Variants in TAFA2 observed in about 807,000 individuals in gnomAD.
The protein encoded by TAFA2 is TAFA chemokine like family member 2.
In TAFA2, 7 loss-of-function variants were observed where a neutral mutation model predicts 18.8. The ratio of observed to expected loss-of-function variants is 0.37; its 90% CI spans 0.21 to 0.70. The LOEUF (loss-of-function observed/expected upper bound fraction) is 0.70. TAFA2 is among the 30% of genes least tolerant of loss of function. The probability of loss-of-function intolerance (pLI) is 0.53; values close to 1 mark genes in which losing one functional copy is unlikely to be tolerated. For synonymous variants in TAFA2, 60 were observed against 54.2 expected (o/e 1.11, Z -0.47); for missense variants, 122 against 158.1 (o/e 0.77, Z 1.23).
intron 2 of TAFA2, among the ~76,000 whole-genome samples, chr12:61,828,469 A>C (rs963597856): frequency 4.0e-5 from 6 of 151,886 alleles, no homozygotes; most frequent in Non-Finnish European, 7.4e-5. Flanking sequence ...GGCCACATTA[A>C]ATACTCATTA....
rs79521467 is a variant in TAFA2 at position 62,008,406 on chromosome 12, A to G, written c.-1-140980T>C. Among the ~76,000 whole-genome samples, 173 of 152,294 alleles carry G rather than the reference A, an allele frequency of 1.1e-3. 4 individuals carry two copies. In the East Asian group the frequency reaches 0.032, roughly 28 times the overall value. On this transcript the variant is annotated intron_variant, in intron 1 of 4. Transcript: ENST00000416284. ...CTTTTTAAAATTAACATTATAATAG[A>G]ATAATGTTTTTCAAGAACTGAAAAG...
chr12:62,232,273 C>CA (rs904826504), intron 1 of TAFA2, among the ~76,000 whole-genome samples: 1 of 152,162 alleles, frequency 6.6e-6, no homozygotes, highest in African/African-American at 2.4e-5. Flanking sequence ...ACACCCTGGC[C>CA]AAAGCCACCT....
chr12:61,907,497 G>T (rs1361405111), intron 1 of TAFA2, among the ~76,000 whole-genome samples: 1 of 152,200 alleles, frequency 6.6e-6, no homozygotes, highest in Non-Finnish European at 1.5e-5. Flanking sequence ...TTCAGAAGAT[G>T]TATGGAAATG....
At chr12:62,177,150 C>G (rs530883154) in intron 1 of TAFA2, among the ~76,000 whole-genome samples, 2 of 152,364 alleles carry the variant, frequency 1.3e-5, no homozygotes, top group African/African-American at 4.8e-5. Context: ...AAACCTTCAT[C>G]CCTTCAGAGT....
Position 62,199,545 on chromosome 12 carries a change from CT to C in TAFA2, c.-130+59217del, listed in dbSNP as rs1345573228. 2.0e-5 allele frequency among the ~76,000 whole-genome samples: 3 copies of C among 151,624 alleles called. No homozygotes were observed. The South Asian group carries it at 6.3e-4, about 32-fold the overall frequency. Reference sequence around the variant, plus strand: ...CCCTGCAAAGGACATGATCTCATTCCTTTTTACAGCTACATAGCATTCCATG... The same window carrying C: ...CCCTGCAAAGGACATGATCTCATTCCTTTTACAGCTACATAGCATTCCATG... On this transcript the variant is annotated intron_variant, in intron 1 of 5. Transcript: ENST00000551619.
intron 1 of TAFA2, among the ~76,000 whole-genome samples, chr12:62,216,647 A>T (rs1368550840): frequency 1.3e-5 from 2 of 152,228 alleles, no homozygotes; most frequent in African/African-American, 4.8e-5. Flanking sequence ...TACACAGTAT[A>T]CTATTGTTGA....
chr12:61,778,210 C>T (rs548961786), intron 2 of TAFA2, among the ~76,000 whole-genome samples: 2 of 151,916 alleles, frequency 1.3e-5, no homozygotes, highest in South Asian at 2.1e-4. Flanking sequence ...AGGGCTCACC[C>T]TAAGGATTAA....
chr12:61,926,740 A>G (rs1453768176), intron 1 of TAFA2, among the ~76,000 whole-genome samples: 1 of 152,172 alleles, frequency 6.6e-6, no homozygotes, highest in African/African-American at 2.4e-5. Context: ...AGCCAATATC[A>G]TACTGAATGG....
chr12:62,029,334 T>C (rs1317285518), intron 1 of TAFA2, among the ~76,000 whole-genome samples: 2 of 152,190 alleles, frequency 1.3e-5, no homozygotes, highest in Admixed American at 1.3e-4. Context: ...CTACATGTTA[T>C]CTTTTTAACA....
chr12:61,885,867 A>G (rs1016906222), intron 1 of TAFA2, among the ~76,000 whole-genome samples: 4 of 152,136 alleles, frequency 2.6e-5, no homozygotes, highest in Admixed American at 6.5e-5. Context: ...ACTATGACAG[A>G]TCCTCCAAGA....
chr12:62,200,872 G>A lies in TAFA2; in HGVS notation c.-130+57891C>T, dbSNP rs113890953. 8.7e-3 allele frequency among the ~76,000 whole-genome samples: 1,318 copies of A among 152,228 alleles called. 18 individuals are homozygous for A. Among genetic ancestry groups the A allele is most frequent in the African/African-American group, 0.031 (1,273 of 41,528 alleles). On this transcript the variant is annotated intron_variant, in intron 1 of 5. Transcript: ENST00000551619. Reference sequence around the variant, plus strand: ...ATGGCCATTGATTCTTCCTATCCATGAGCATAGAATGTTTTTCCATTTGTT... The same window carrying A: ...ATGGCCATTGATTCTTCCTATCCATAAGCATAGAATGTTTTTCCATTTGTT...
chr12:61,731,381 C>T (rs1356157500), intron 4 of TAFA2, among the ~76,000 whole-genome samples: 1 of 152,118 alleles, frequency 6.6e-6, no homozygotes, highest in Non-Finnish European at 1.5e-5. Flanking sequence ...TCTCCACACG[C>T]TGTTCTGTGT....
chr12:61,724,797 G>A (rs200689218), intron 4 of TAFA2, among the ~76,000 whole-genome samples: 12,027 of 112,496 alleles, frequency 0.11, 631 homozygotes, highest in East Asian at 0.18. Context: ...GTGTGTGTGT[G>A]TGTGTATACA....
At chr12:62,163,349 G>GGTTTTT (rs146075914) in intron 1 of TAFA2, among the ~76,000 whole-genome samples, 7 of 151,886 alleles carry the variant, frequency 4.6e-5, no homozygotes, top group Admixed American at 1.3e-4. Flanking sequence ...TTAGGAGCTG[G>GGTTTTT]GTTTTTGTTT....
intron 1 of TAFA2, among the ~76,000 whole-genome samples, chr12:62,254,682 G>C (rs988349676): frequency 1.3e-5 from 2 of 152,054 alleles, no homozygotes; most frequent in Non-Finnish European, 2.9e-5. Flanking sequence ...CTTCATTGTT[G>C]GTATCTTCTA....
At chr12:62,210,323 G>A (rs2136972682) in intron 1 of TAFA2, among the ~76,000 whole-genome samples, 1 of 152,050 alleles carries the variant, frequency 6.6e-6, no homozygotes, top group South Asian at 2.1e-4. Context: ...ACATATTGTT[G>A]TGATTTAATT....
intron 1 of TAFA2, among the ~76,000 whole-genome samples, chr12:62,144,247 G>C (rs2062263045): frequency 6.6e-6 from 1 of 152,012 alleles, no homozygotes; most frequent in Non-Finnish European, 1.5e-5. Flanking sequence ...GCAACCTCCT[G>C]TAAGAAACAT....
intron 2 of TAFA2, among the ~76,000 whole-genome samples, chr12:61,814,890 A>G (rs1298405362): frequency 2.0e-5 from 3 of 151,504 alleles, no homozygotes; most frequent in Non-Finnish European, 4.4e-5. Flanking sequence ...GGCTTCTAAA[A>G]GCTAAAAAGG....
At chr12:62,104,642 T>C (rs1592337606) in intron 1 of TAFA2, 3 of 451,640 alleles carry the variant, frequency 6.6e-6, no homozygotes, top group South Asian at 3.1e-5. Context: ...GCCACACAGA[T>C]ACAAATCATT....
Sources: gnomAD v4.1 joint callset for allele counts (sites outside exome capture counted in the v4.1 genomes callset) on GRCh38, gnomAD v4.1.1 for gene constraint, MANE v1.5 for transcripts, NCBI Gene and HGNC (gene_info 2026-07-23, HGNC 2026-07-21) for gene names.